NRXN1: variants seen among roughly 807,000 people sequenced by gnomAD.
The protein encoded by NRXN1 is neurexin-1.
A neutral mutation model predicts 150.9 loss-of-function variants in NRXN1; 39 were observed. That is an observed-to-expected ratio of 0.26 (90% CI 0.20 to 0.34). NRXN1 has a LOEUF of 0.34. Ranked by LOEUF, NRXN1 falls within the 10% of genes least tolerant of loss-of-function variation. The pLI is 1.00. For synonymous variants in NRXN1, 924 were observed against 757.0 expected (o/e 1.22, Z -3.62); for missense variants, 1,815 against 1,949.9 (o/e 0.93, Z 1.30).
intron 5 of NRXN1, among the ~76,000 whole-genome samples, chr2:50,889,505 G>A (rs993489355): frequency 6.6e-6 from 1 of 151,684 alleles, no homozygotes; most frequent in Non-Finnish European, 1.5e-5. Context: ...TCTGATGGCA[G>A]CTTTCTTTCC....
intron 2 of NRXN1, among the ~76,000 whole-genome samples, chr2:51,022,188 A>C (rs2105287725): frequency 6.6e-6 from 1 of 152,266 alleles, no homozygotes; most frequent in Admixed American, 6.5e-5. Flanking sequence ...TAATAGTAAC[A>C]AAAGTAACAC....
At chr2:50,005,978 G>A (rs775291433) in intron 21 of NRXN1, among the ~76,000 whole-genome samples, 1 of 152,084 alleles carries the variant, frequency 6.6e-6, no homozygotes. Context: ...ACCGGTGTCC[G>A]TGCTATTAAA....
At chr2:50,084,373 C>G (rs903877988) in intron 19 of NRXN1, among the ~76,000 whole-genome samples, 1 of 152,136 alleles carries the variant, frequency 6.6e-6, no homozygotes, top group Non-Finnish European at 1.5e-5. Flanking sequence ...CAGCTAAAGC[C>G]CAGTGAGAAA....
intron 17 of NRXN1, among the ~76,000 whole-genome samples, chr2:50,418,951 T>C (rs1488423302): frequency 6.6e-6 from 1 of 152,208 alleles, no homozygotes; most frequent in African/African-American, 2.4e-5. Context: ...TTTTATCATT[T>C]AAATCATATT....
At chr2:50,045,669 AC>A (rs1403164482) in intron 21 of NRXN1, among the ~76,000 whole-genome samples, 2 of 152,218 alleles carry the variant, frequency 1.3e-5, no homozygotes, top group Admixed American at 1.3e-4. Context: ...AAAAACTAAG[AC>A]AATTAAACTA....
rs142584509 is a variant in NRXN1 at position 50,673,897 on chromosome 2, C to T, written c.833-50282G>A. ...TGACTTCATGTCCTTTGCAGGGACA[C>T]GGATGAAGCTGGAAACCATCATTCT... On this transcript the variant is annotated intron_variant, in intron 5 of 22. Coordinates refer to ENST00000401669, the MANE Select transcript of NRXN1 (RefSeq NM_001330078.2). Among the ~76,000 whole-genome samples the T allele has an allele frequency of 4.7e-3, 712 of 152,044 alleles. 5 individuals are homozygous for T. The highest frequency in any genetic ancestry group is 0.016 in the African/African-American group (656 of 41,494).
chr2:50,399,544 G>A (rs2082259701), intron 17 of NRXN1, among the ~76,000 whole-genome samples: 1 of 151,658 alleles, frequency 6.6e-6, no homozygotes, highest in Non-Finnish European at 1.5e-5. Context: ...GAAGCACAGG[G>A]CCCTTTGCTC....
intron 18 of NRXN1, among the ~76,000 whole-genome samples, chr2:50,230,439 C>T (rs944036253): frequency 3.3e-5 from 5 of 151,834 alleles, no homozygotes; most frequent in East Asian, 1.9e-4. Flanking sequence ...ATAATTGCAG[C>T]GGCATCAATG....
intron 5 of NRXN1, among the ~76,000 whole-genome samples, chr2:50,894,223 A>G (rs540311133): frequency 5.6e-4 from 83 of 149,246 alleles, no homozygotes; most frequent in African/African-American, 2.0e-3. Context: ...CATGTACCCT[A>G]AAACTTAAAG....
chr2:50,785,406 G>A (rs778641443), intron 5 of NRXN1, among the ~76,000 whole-genome samples: 2 of 151,784 alleles, frequency 1.3e-5, no homozygotes, highest in African/African-American at 2.4e-5. Context: ...CTGCCACCAC[G>A]CCTGGGTAAT....
rs151120360 is a variant in NRXN1, at chr2:50,862,117, G to A, written c.832+59752C>T. 2.2e-3 allele frequency among the ~76,000 whole-genome samples: 326 copies of A among 150,784 alleles called. 3 individuals are homozygous for A. The highest frequency in any genetic ancestry group is 7.6e-3 in the African/African-American group (312 of 41,100). On this transcript the variant is annotated intron_variant, in intron 5 of 22. Coordinates refer to ENST00000401669, the MANE Select transcript of NRXN1 (RefSeq NM_001330078.2). ...CATGGGAGGCTGAGGCAGGAGAATT[G>A]TTTGAACCAGGGAGGCAGAGGTTTC...
intron 18 of NRXN1, among the ~76,000 whole-genome samples, chr2:50,171,215 T>A (rs531647776): frequency 2.0e-4 from 30 of 150,194 alleles, no homozygotes; most frequent in African/African-American, 7.1e-4. Flanking sequence ...TACAGTTCAA[T>A]CCTGTATTGT....
At chr2:50,029,389 C>T (rs1004633867) in intron 21 of NRXN1, among the ~76,000 whole-genome samples, 17 of 152,234 alleles carry the variant, frequency 1.1e-4, no homozygotes, top group African/African-American at 4.1e-4. Context: ...CTGCCCAAAT[C>T]CATATATATC....
At chr2:50,504,140 T>TAAAAAAAAAAAAAAAAAAAAAAAA (rs70948715) in intron 13 of NRXN1, among the ~76,000 whole-genome samples, 1 of 112,434 alleles carries the variant, frequency 8.9e-6, no homozygotes, top group Non-Finnish European at 1.7e-5. Context: ...ACATGACAAC[T>TAAAAAAAAAAAAAAAAAAAAAAAA]AAAAAAAAAA....
At chr2:50,579,656 TA>T (rs999698338) in intron 8 of NRXN1, among the ~76,000 whole-genome samples, 6 of 151,890 alleles carry the variant, frequency 4.0e-5, no homozygotes, top group Middle Eastern at 3.2e-3. Context: ...AATACAAAAA[TA>T]AAAAAATATA....
At chr2:50,884,564 C>A (rs747210020) in intron 5 of NRXN1, among the ~76,000 whole-genome samples, 1 of 151,550 alleles carries the variant, frequency 6.6e-6, no homozygotes. Context: ...TCATGTTTTG[C>A]GGCCCCAGTA....
chr2:50,997,861 G>C (rs1699530100), intron 2 of NRXN1, among the ~76,000 whole-genome samples: 1 of 141,534 alleles, frequency 7.1e-6, no homozygotes, highest in South Asian at 2.3e-4. Context: ...GCTTCTGAAG[G>C]CCAACACATA....
At chr2:50,029,686 C>T (rs563119724) in intron 21 of NRXN1, among the ~76,000 whole-genome samples, 17 of 152,162 alleles carry the variant, frequency 1.1e-4, no homozygotes, top group East Asian at 3.9e-4. Flanking sequence ...CCTCTGGAAC[C>T]GTAAGAATAA....
chr2:50,849,369 A>T (rs1674173281), intron 5 of NRXN1, among the ~76,000 whole-genome samples: 1 of 152,190 alleles, frequency 6.6e-6, no homozygotes, highest in Non-Finnish European at 1.5e-5. Flanking sequence ...TTTACAACCC[A>T]GGAATGTCTT....
Sources: allele counts gnomAD v4.1 joint callset (sites outside exome capture counted in the v4.1 genomes callset), GRCh38; gene constraint gnomAD v4.1.1; transcripts MANE v1.5; gene names NCBI Gene and HGNC (gene_info 2026-07-23, HGNC 2026-07-21).